The following RABGAP1L variants were observed in gnomAD, a reference collection of about 807,000 sequenced individuals.
RABGAP1L encodes the protein RAB GTPase activating protein 1 like.
In RABGAP1L, 63 loss-of-function variants were observed where a neutral mutation model predicts 137.7. That is an observed-to-expected ratio of 0.46 (90% CI 0.37 to 0.56). The LOEUF (loss-of-function observed/expected upper bound fraction) is 0.56, where lower values mean the gene tolerates loss of function less well. Ranked by LOEUF, RABGAP1L falls within the 20% of genes least tolerant of loss-of-function variation. The probability of loss-of-function intolerance (pLI) is 0.00; values close to 1 mark genes in which losing one functional copy is unlikely to be tolerated. For missense variants in RABGAP1L, 1,095 were observed against 1,244.0 expected (o/e 0.88, Z 1.80); for synonymous variants, 431 against 433.7 (o/e 0.99, Z 0.08).
chr1:174,264,995 A>G (rs1362584416), intron 7 of RABGAP1L, among the ~76,000 whole-genome samples: 2 of 152,178 alleles, frequency 1.3e-5, no homozygotes, highest in African/African-American at 4.8e-5. Flanking sequence ...GTTTTGTTCA[A>G]CCCTATCTAC....
chr1:174,551,028 A>C (rs1666503779), intron 13 of RABGAP1L, among the ~76,000 whole-genome samples: 1 of 136,136 alleles, frequency 7.3e-6, no homozygotes, highest in East Asian at 2.0e-4. Flanking sequence ...ATATACATAC[A>C]CACACACACA....
intron 13 of RABGAP1L, among the ~76,000 whole-genome samples, chr1:174,598,598 A>C (rs1054990360): frequency 6.6e-6 from 1 of 152,306 alleles, no homozygotes; most frequent in Admixed American, 6.5e-5. Flanking sequence ...GTGTTGATGC[A>C]TATAAATTTA....
chr1:174,925,859 G>GTTTTTTTTTGTTTT (rs1662703046), intron 19 of RABGAP1L, among the ~76,000 whole-genome samples: 1 of 128,850 alleles, frequency 7.8e-6, no homozygotes, highest in African/African-American at 2.7e-5. Flanking sequence ...TTTGTTGTTG[G>GTTTTTTTTTGTTTT]TTTTTTTTTT....
At chr1:174,900,120 G>T (rs1028758267) in intron 19 of RABGAP1L, among the ~76,000 whole-genome samples, 1 of 152,214 alleles carries the variant, frequency 6.6e-6, no homozygotes, top group East Asian at 1.9e-4. Flanking sequence ...ATGCCCATAG[G>T]TATTCTAGTA....
intron 10 of RABGAP1L, among the ~76,000 whole-genome samples, chr1:174,293,213 T>C (rs1676794200): frequency 6.6e-6 from 1 of 152,138 alleles, no homozygotes; most frequent in African/African-American, 2.4e-5. Context: ...TTGATGCTGG[T>C]ATCACTATTT....
intron 19 of RABGAP1L, among the ~76,000 whole-genome samples, chr1:174,898,175 A>T (rs1657556268): frequency 6.6e-6 from 1 of 152,198 alleles, no homozygotes; most frequent in Admixed American, 6.5e-5. Context: ...TCATCTTAAT[A>T]GCACTAATAC....
At chr1:174,912,634 T>C (rs1246837823) in intron 19 of RABGAP1L, among the ~76,000 whole-genome samples, 1 of 152,244 alleles carries the variant, frequency 6.6e-6, no homozygotes, top group Non-Finnish European at 1.5e-5. Flanking sequence ...TAGATGAGGC[T>C]AATTTGTTGA....
At chr1:174,551,021 T>TATATATATATATAC (rs1553330343) in intron 13 of RABGAP1L, among the ~76,000 whole-genome samples, 17 of 122,796 alleles carry the variant, frequency 1.4e-4, no homozygotes, top group African/African-American at 6.5e-4. Flanking sequence ...TATATATATA[T>TATATATATATATAC]ACATACACAC....
chr1:174,864,039 G>A (rs1157600715), intron 19 of RABGAP1L, among the ~76,000 whole-genome samples: 3 of 152,156 alleles, frequency 2.0e-5, no homozygotes, highest in Non-Finnish European at 4.4e-5. Context: ...CTTTTTAATG[G>A]TAAGCTAATT....
chr1:174,746,843 G>A (rs1683908125), intron 17 of RABGAP1L, among the ~76,000 whole-genome samples: 2 of 152,168 alleles, frequency 1.3e-5, no homozygotes, highest in South Asian at 2.1e-4. Context: ...ATAGGGACAT[G>A]CCTTTAATGT....
chr1:174,960,662 CAGG>C (rs1454629226), intron 20 of RABGAP1L, among the ~76,000 whole-genome samples: 1 of 151,838 alleles, frequency 6.6e-6, no homozygotes, highest in Non-Finnish European at 1.5e-5. Flanking sequence ...CAGAATATTC[CAGG>C]AGGATTGTCA....
intron 4 of RABGAP1L, 105 bp from the exon 5 acceptor site, chr1:174,241,378 T>C (rs1671811027): frequency 1.4e-6 from 1 of 736,600 alleles, no homozygotes; most frequent in Non-Finnish European, 2.1e-6. Context: ...ATTGTCATAG[T>C]AAAACTATTT....
chr1:174,596,930 A>G (rs1200766496), intron 13 of RABGAP1L, among the ~76,000 whole-genome samples: 1 of 151,946 alleles, frequency 6.6e-6, no homozygotes, highest in African/African-American at 2.4e-5. Context: ...TCATGAAGAG[A>G]TGGTGAATTT....
chr1:174,700,681 A>G (rs538670095), intron 16 of RABGAP1L: 32 of 161,152 alleles, frequency 2.0e-4, no homozygotes, highest in Admixed American at 1.2e-3. Flanking sequence ...GCAGGGATGT[A>G]AAACGAGCCA....
intron 1 of RABGAP1L, among the ~76,000 whole-genome samples, chr1:174,171,804 C>A (rs1177641046): frequency 1.3e-5 from 2 of 151,822 alleles, no homozygotes; most frequent in Non-Finnish European, 2.9e-5. Flanking sequence ...AGTTCGAGAC[C>A]AGCCTGACCA....
intron 13 of RABGAP1L, among the ~76,000 whole-genome samples, chr1:174,540,592 T>C (rs897378588): frequency 1.5e-4 from 23 of 152,162 alleles, no homozygotes; most frequent in Non-Finnish European, 2.5e-4. Flanking sequence ...TTGTCAGAGA[T>C]CAGATGGTTG....
At chr1:174,615,215 A>G (rs1671698219) in intron 13 of RABGAP1L, among the ~76,000 whole-genome samples, 1 of 151,890 alleles carries the variant, frequency 6.6e-6, no homozygotes, top group African/African-American at 2.4e-5. Context: ...GGTTTTATCT[A>G]CTTTTGGTCT....
At chr1:174,606,582 G>T (rs554306041) in intron 13 of RABGAP1L, among the ~76,000 whole-genome samples, 1 of 152,294 alleles carries the variant, frequency 6.6e-6, no homozygotes, top group South Asian at 2.1e-4. Flanking sequence ...CAGTATCTTT[G>T]TCATTTATTC....
intron 6 of RABGAP1L, among the ~76,000 whole-genome samples, chr1:174,251,890 T>C (rs1050013858): frequency 2.0e-5 from 3 of 152,020 alleles, no homozygotes; most frequent in Non-Finnish European, 4.4e-5. Context: ...AAATTTATCA[T>C]GTTGTCATTT....
Sources: gnomAD v4.1 joint callset for allele counts (sites outside exome capture counted in the v4.1 genomes callset) on GRCh38, gnomAD v4.1.1 for gene constraint, MANE v1.5 for transcripts, NCBI Gene and HGNC (gene_info 2026-07-23, HGNC 2026-07-21) for gene names.